The following SENP6 variants were observed in gnomAD, a reference collection of about 807,000 sequenced individuals.
SENP6 encodes sentrin-specific protease 6.
SENP6 carries 41 observed loss-of-function variants against 134.5 expected under a neutral mutation model. The observed-to-expected ratio is 0.30, with a 90% CI of 0.24 to 0.40. The LOEUF is 0.40. SENP6 is among the 10% of genes least tolerant of loss of function. The probability of loss-of-function intolerance (pLI) is 1.00; values close to 1 mark genes in which losing one functional copy is unlikely to be tolerated. For synonymous variants in SENP6, 395 were observed against 429.8 expected (o/e 0.92, Z 1.00); for missense variants, 1,248 against 1,312.5 (o/e 0.95, Z 0.76).
chr6:75,667,552 A>T (rs886941741), intron 10 of SENP6, among the ~76,000 whole-genome samples: 3 of 152,220 alleles, frequency 2.0e-5, no homozygotes, highest in African/African-American at 4.8e-5. Context: ...AATGGACTTT[A>T]AAAATTGTTA....
chr6:75,662,495 A>G (rs1771863292), intron 8 of SENP6, among the ~76,000 whole-genome samples: 1 of 152,142 alleles, frequency 6.6e-6, no homozygotes, highest in South Asian at 2.1e-4. Context: ...ATGAAAATTT[A>G]TTTACAGTAT....
At chr6:75,612,230 G>A (rs1356443089) in intron 1 of SENP6, among the ~76,000 whole-genome samples, 1 of 152,160 alleles carries the variant, frequency 6.6e-6, no homozygotes, top group Non-Finnish European at 1.5e-5. Context: ...GTGACTCAAG[G>A]CTTTGGAAAA....
At chr6:75,605,440 T>C (rs1163595771) in intron 1 of SENP6, among the ~76,000 whole-genome samples, 1 of 152,224 alleles carries the variant, frequency 6.6e-6, no homozygotes, top group Non-Finnish European at 1.5e-5. Flanking sequence ...ACATATTTGT[T>C]GTTAATGAAA....
intron 19 of SENP6, among the ~76,000 whole-genome samples, chr6:75,703,931 G>A (rs1310601663): frequency 6.6e-6 from 1 of 152,026 alleles, no homozygotes; most frequent in Non-Finnish European, 1.5e-5. Flanking sequence ...TATTTCATAG[G>A]AAATTTACAG....
chr6:75,652,458 C>T (rs978160665), intron 7 of SENP6, among the ~76,000 whole-genome samples: 2 of 151,678 alleles, frequency 1.3e-5, no homozygotes, highest in Non-Finnish European at 2.9e-5. Context: ...TATATTTGAT[C>T]TATTTCTTTG....
chr6:75,702,889 G>A lies in SENP6; in HGVS notation c.2533G>A (p.Glu845Lys). 1 of 1,614,126 alleles carries A rather than the reference G, an allele frequency of 6.2e-7. No homozygotes were observed. The highest frequency in any genetic ancestry group is 1.3e-5 in the African/African-American group (1 of 75,052). Reference protein sequence around the residue: ...AVIDSNPGQEESDPRYKRNIC... With the variant: ...AVIDSNPGQEKSDPRYKRNIC... ...AATTGATTCCAATCCTGGGCAGGAA[G>A]AAAGTGACCCTCGTTATAAGAGAAA... The change falls in exon 19 of 24, where the codon GAA becomes AAA. Residue 845 changes from glutamate to lysine, a missense_variant. By Grantham distance (56) the Glu-to-Lys change is moderately conservative. Around this residue, in one of 3 missense-constraint regions of SENP6, gnomAD observed 386 missense variants for 395.0 expected, o/e 0.98. Transcript: ENST00000447266.
chr6:75,633,454 C>A, intron 3 of SENP6, 127 bp from the exon 4 acceptor site: 1 of 733,756 alleles, frequency 1.4e-6, no homozygotes, highest in South Asian at 2.4e-5. Flanking sequence ...AAATCCATGC[C>A]AATGCTATCC....
intron 6 of SENP6, among the ~76,000 whole-genome samples, chr6:75,642,283 C>G (rs2647400): frequency 0.6 from 91,245 of 152,122 alleles, 29,698 homozygotes; most frequent in Non-Finnish European, 0.74. Context: ...AAGACTAATA[C>G]TGAACAAGTA....
chr6:75,656,552 T>C (rs995671436), intron 7 of SENP6, among the ~76,000 whole-genome samples: 2 of 152,242 alleles, frequency 1.3e-5, no homozygotes, highest in African/African-American at 4.8e-5. Context: ...AATTTTAGAC[T>C]AGTTCATTTT....
chr6:75,663,061 C>A (rs1002908365), intron 8 of SENP6, among the ~76,000 whole-genome samples, 160 bp from the exon 9 acceptor site: 1 of 152,162 alleles, frequency 6.6e-6, no homozygotes, highest in Non-Finnish European at 1.5e-5. Flanking sequence ...AATTTTGAGA[C>A]TTTGAGGGGA....
At chr6:75,614,993 C>A (rs1477220057) in intron 1 of SENP6, among the ~76,000 whole-genome samples, 1 of 152,050 alleles carries the variant, frequency 6.6e-6, no homozygotes, top group Non-Finnish European at 1.5e-5. Context: ...TGGGTTCAAG[C>A]AATTCTCCTG....
chr6:75,616,421 A>G (rs1767849247), intron 1 of SENP6, among the ~76,000 whole-genome samples: 1 of 152,074 alleles, frequency 6.6e-6, no homozygotes, highest in Non-Finnish European at 1.5e-5. Context: ...GTTCTAATCT[A>G]ATATCAATTA....
Position 75,670,558 on chromosome 6 carries a change from C to G in SENP6, c.1230C>G (p.Gly410=). ...PRKARMKDQF[G]NSIINTPLKR... is the part of the protein sequence containing the mutation. ...CATTTTCTTTTCCTTTTTAGTTTGG[C>G]AATTCTATTATCAACACACCTCTGA... Residue 410 remains glycine, a synonymous_variant, in exon 11 of 24, where the codon GGC becomes GGG. Coordinates refer to ENST00000447266, the MANE Select transcript of SENP6 (RefSeq NM_015571.4). 4 of 1,596,108 alleles carry G rather than the reference C, an allele frequency of 2.5e-6. No homozygotes were observed. The highest frequency in any genetic ancestry group is 3.4e-6 in the Non-Finnish European group (4 of 1,170,580).
intron 5 of SENP6, among the ~76,000 whole-genome samples, chr6:75,638,590 G>A (rs59868140): frequency 6.8e-4 from 42 of 61,616 alleles, no homozygotes; most frequent in South Asian, 3.0e-3. Flanking sequence ...GTGTGTGTGT[G>A]TATATATATA....
chr6:75,652,698 A>AAAAAAAAAAAAAAAAAAAAAAAG (rs1554166656), intron 7 of SENP6, among the ~76,000 whole-genome samples: 1 of 148,624 alleles, frequency 6.7e-6, no homozygotes, highest in African/African-American at 2.5e-5. Context: ...AAAAAAAAAA[A>AAAAAAAAAAAAAAAAAAAAAAAG]AAAAAGAAAA....
chr6:75,626,911 GT>G (rs201418276), intron 3 of SENP6, among the ~76,000 whole-genome samples: 5 of 150,602 alleles, frequency 3.3e-5, no homozygotes, highest in South Asian at 2.1e-4. Context: ...GTCTTTCTGG[GT>G]TTTTTTTTCC....
At chr6:75,623,048 G>T (rs909302986) in intron 2 of SENP6, among the ~76,000 whole-genome samples, 2 of 151,690 alleles carry the variant, frequency 1.3e-5, no homozygotes, top group African/African-American at 4.8e-5. Context: ...AAATGTTTAC[G>T]AGAGACTTTT....
chr6:75,713,885 C>T, intron 23 of SENP6, 60 bp downstream of exon 23: 1 of 1,242,790 alleles, frequency 8.0e-7, no homozygotes, highest in East Asian at 2.5e-5. Context: ...TTTGACTTTA[C>T]CTTAGTAAAA....
chr6:75,632,300 A>G (rs1441302312), intron 3 of SENP6, among the ~76,000 whole-genome samples: 1 of 152,202 alleles, frequency 6.6e-6, no homozygotes, highest in Non-Finnish European at 1.5e-5. Flanking sequence ...AACTGATACC[A>G]CAGAAAGCAA....
Sources: gnomAD v4.1 joint callset for allele counts (sites outside exome capture counted in the v4.1 genomes callset) on GRCh38, gnomAD v4.1.1 for gene constraint, gnomAD v4.1.1 regional missense constraint, MANE v1.5 for transcripts, NCBI Gene and HGNC (gene_info 2026-07-23, HGNC 2026-07-21) for gene names.